Variants in KIAA1671 observed in about 807,000 individuals in gnomAD.
KIAA1671 encodes the protein KIAA1671, also known as uncharacterized protein KIAA1671.
In KIAA1671, 52 loss-of-function variants were observed where a neutral mutation model predicts 131.2. That is an observed-to-expected ratio of 0.40 (90% CI 0.32 to 0.50). KIAA1671 has a LOEUF of 0.50. Among genes scored for constraint, KIAA1671 ranks in the 20% least tolerant of loss-of-function variants. The probability of loss-of-function intolerance (pLI) is 0.73; values close to 1 mark genes in which losing one functional copy is unlikely to be tolerated. For missense variants in KIAA1671, 2,360 were observed against 2,364.2 expected (o/e 1.00, Z 0.04); for synonymous variants, 1,003 against 961.6 (o/e 1.04, Z -0.80).
chr22:25,070,367 T>G (rs1214638522), intron 6 of KIAA1671: 2 of 496,680 alleles, frequency 4.0e-6, no homozygotes, highest in South Asian at 7.8e-5. Flanking sequence ...GTGCTGGAAA[T>G]GGAGTATTAC....
At chr22:25,131,963 G>T (rs1390614310) in intron 6 of KIAA1671, among the ~76,000 whole-genome samples, 3 of 152,246 alleles carry the variant, frequency 2.0e-5, no homozygotes, top group Non-Finnish European at 2.9e-5. Flanking sequence ...TTGGCCATTA[G>T]GAACACCTGT....
At chr22:24,970,427 A>G (rs946863372) in intron 1 of KIAA1671, among the ~76,000 whole-genome samples, 6 of 152,202 alleles carry the variant, frequency 3.9e-5, no homozygotes, top group African/African-American at 1.4e-4. Context: ...TAGGGAAGTG[A>G]AGCTGTGCTG....
chr22:24,956,246 A>G (rs540466714), intron 1 of KIAA1671, among the ~76,000 whole-genome samples: 21 of 152,284 alleles, frequency 1.4e-4, no homozygotes, highest in African/African-American at 4.8e-4. Flanking sequence ...AGGGAGTGGT[A>G]TCAGTACTGA....
rs904360156 is a variant in KIAA1671 at position 25,028,476 on chromosome 22, G to A, written c.477G>A (p.Ala159=). The A allele has an allele frequency of 7.7e-6, 12 of 1,549,874 alleles. No homozygotes were observed. In the Admixed American group the frequency reaches 7.9e-5, roughly 10 times the overall value. Residue 159 remains alanine (A), a synonymous_variant, in exon 3 of 13, where the codon GCG becomes GCA. Transcript: ENST00000358431. ...AAAGCGGCCCCGCTCTGGGGAAGGC[G>A]GTTAGTGAGGGGGCGGAGGAGGCCA... The part of the protein sequence containing the change: ...TTKSGPALGK[A]VSEGAEEAKL...
intron 6 of KIAA1671, 81 bp from the exon 7 acceptor site, chr22:25,170,739 G>T (rs1051763474): frequency 1.8e-5 from 25 of 1,380,010 alleles, no homozygotes; most frequent in African/African-American, 4.3e-5. Flanking sequence ...GGGGCCATGC[G>T]ATCTGATTTG....
In KIAA1671 at chr22:25,093,737, A is replaced by ACT. The variant is rs1326086246; in HGVS notation, c.4530+44402_4530+44403dup. The stretch of plus-strand genomic sequence containing the variant: ...CACACACACACACACACACACACAC[A>ACT]CTCTCTCTCTCTCTCTCTCTCTCTC... On this transcript the variant is annotated intron_variant, in intron 6 of 12. Transcript: ENST00000358431. Among the ~76,000 whole-genome samples, 152 of 30,042 alleles carry ACT rather than the reference A, an allele frequency of 5.1e-3. 1 individual carries two copies. Among genetic ancestry groups the ACT allele is most frequent in the Admixed American group, 9.3e-3 (29 of 3,110 alleles). 19.7% of individuals were successfully genotyped at this position (30,042 alleles called of 152,430 possible). A position where few individuals can be genotyped will look rare whatever the true frequency, so the allele number is the denominator to read the frequency against.
Position 25,041,388 on chromosome 22 carries a change from G to A in KIAA1671, c.4258G>A (p.Glu1420Lys). The A allele has an allele frequency of 5.2e-6, 8 of 1,551,800 alleles. No homozygotes were observed. Among genetic ancestry groups the A allele is most frequent in the Non-Finnish European group, 7.0e-6 (8 of 1,147,006 alleles). The change falls in exon 5 of 13, where the codon GAG becomes AAG. Residue 1420 changes from glutamate to lysine, a missense_variant. Glu to Lys is a moderately conservative substitution (Grantham distance 56). Coordinates refer to ENST00000358431, the MANE Select transcript of KIAA1671 (RefSeq NM_001145206.2). ...SEKGPPANIR[E>K]GLSIMHEARE... ...GAAGGGGCCCCCTGCCAACATCCGA[G>A]AGGGCCTGTCCATCATGCATGAAGC...
chr22:25,131,483 G>C (rs1487344787), intron 6 of KIAA1671, among the ~76,000 whole-genome samples: 1 of 152,200 alleles, frequency 6.6e-6, no homozygotes, highest in East Asian at 1.9e-4. Flanking sequence ...GGTGGCACGG[G>C]GCTGCTCATC....
chr22:25,039,161 C>T lies in KIAA1671; in HGVS notation c.2031C>T (p.Asp677=), dbSNP rs1926775857. The part of the protein sequence containing the change: ...KLKKENSRGF[D]NPETEKLGPT... ...AGAAAGAGAACTCCAGAGGGTTTGA[C>T]AATCCCGAGACGGAGAAATTGGGAC... is the stretch of plus-strand genomic sequence containing the variant. The change falls in exon 5 of 13, where the codon GAC becomes GAT. Residue 677 remains aspartate, a synonymous_variant. Transcript: ENST00000358431. The T allele has an allele frequency of 1.3e-6, 2 of 1,551,760 alleles. No individual in the cohort carries two copies. The highest frequency in any genetic ancestry group is 8.7e-7 in the Non-Finnish European group (1 of 1,147,070).
intron 9 of KIAA1671, among the ~76,000 whole-genome samples, chr22:25,179,100 C>G (rs980039568): frequency 2.0e-5 from 3 of 152,208 alleles, no homozygotes; most frequent in Non-Finnish European, 2.9e-5. Context: ...GGGACCGCGT[C>G]TCACGCCCGG....
intron 1 of KIAA1671, among the ~76,000 whole-genome samples, chr22:24,969,904 A>G (rs1922512116): frequency 6.6e-6 from 1 of 152,172 alleles, no homozygotes; most frequent in South Asian, 2.1e-4. Flanking sequence ...GGCCCCTTCT[A>G]TGGATGCTGT....
intron 1 of KIAA1671, chr22:25,014,966 A>G (rs1280638956): frequency 1.3e-5 from 2 of 152,200 alleles, no homozygotes; most frequent in African/African-American, 2.4e-5. Context: ...TCTGGGCGAT[A>G]TGGCCTCTGT....
At chr22:25,064,998 A>AT (rs1025111461) in intron 6 of KIAA1671, 2 of 152,188 alleles carry the variant, frequency 1.3e-5, no homozygotes, top group African/African-American at 4.8e-5. Context: ...GCAGTGACTC[A>AT]TTTTTTGCCG....
Position 25,028,287 on chromosome 22 carries a change from G to T in KIAA1671, c.288G>T (p.Gly96=). 5 of 1,551,294 alleles carry T rather than the reference G, an allele frequency of 3.2e-6. No individual in the cohort carries two copies. Among genetic ancestry groups the T allele is most frequent in the Middle Eastern group, 3.3e-4 (2 of 5,988 alleles). ...PSSTGPSPSG[G]LSEEPAAKDL... ...CGACTGGACCTTCCCCCTCTGGGGG[G>T]CTCTCTGAGGAGCCAGCAGCAAAGG... The change falls in exon 3 of 13, where the codon GGG becomes GGT. Residue 96 remains glycine (G), a synonymous_variant. Transcript: ENST00000358431.
intron 6 of KIAA1671, among the ~76,000 whole-genome samples, chr22:25,080,637 C>G (rs1222169036): frequency 6.6e-6 from 1 of 152,172 alleles, no homozygotes; most frequent in African/African-American, 2.4e-5. Flanking sequence ...AAGCCTCGAA[C>G]ATCTGGGCTC....
chr22:25,029,004 T>G lies in KIAA1671; in HGVS notation c.1005T>G (p.Ala335=). Residue 335 remains alanine, a synonymous_variant, in exon 3 of 13, where the codon GCT becomes GCG. Coordinates refer to ENST00000358431, the MANE Select transcript of KIAA1671 (RefSeq NM_001145206.2). The part of the protein sequence containing the change: ...LDRDCLVKAE[A]PLHDPDLDFL... ...GGGACTGTTTGGTCAAGGCGGAGGC[T>G]CCTCTTCATGATCCTGATTTGGACT... 1 of 1,509,816 alleles carries G rather than the reference T, an allele frequency of 6.6e-7. No homozygotes were observed. The highest frequency in any genetic ancestry group is 8.9e-7 in the Non-Finnish European group (1 of 1,128,210). 93.5% of individuals were successfully genotyped at this position (1,509,816 alleles called of 1,614,324 possible). A position where few individuals can be genotyped will look rare whatever the true frequency, so the allele number is the denominator to read the frequency against.
intron 1 of KIAA1671, among the ~76,000 whole-genome samples, chr22:25,005,222 C>T (rs978829708): frequency 6.6e-6 from 1 of 151,158 alleles, no homozygotes; most frequent in Non-Finnish European, 1.5e-5. Flanking sequence ...GTGGCGCGCA[C>T]GTGTAGTCCC....
chr22:25,169,644 A>C, intron 6 of KIAA1671, among the ~76,000 whole-genome samples: 1 of 152,208 alleles, frequency 6.6e-6, no homozygotes, highest in East Asian at 1.9e-4. Context: ...TTTGCGAAGC[A>C]GACAAATGAG....
At chr22:25,087,094 G>A (rs529555588) in intron 6 of KIAA1671, among the ~76,000 whole-genome samples, 7 of 152,196 alleles carry the variant, frequency 4.6e-5, no homozygotes, top group Middle Eastern at 6.8e-3. Flanking sequence ...ACTTATGTGA[G>A]CCTCAGTTTT....
Sources: allele counts gnomAD v4.1 joint callset (sites outside exome capture counted in the v4.1 genomes callset), GRCh38; gene constraint gnomAD v4.1.1; transcripts MANE v1.5; gene names NCBI Gene and HGNC (gene_info 2026-07-23, HGNC 2026-07-21).